Variants in NTM observed in about 807,000 individuals in gnomAD.
NTM encodes neurotrimin, also known as IgLON family member 2.
In NTM, 13 loss-of-function variants were observed where a neutral mutation model predicts 42.1. The observed-to-expected ratio is 0.31, with a 90% CI of 0.20 to 0.49. The LOEUF is 0.49. NTM is among the 20% of genes least tolerant of loss of function. NTM has a pLI of 0.99. For synonymous variants in NTM, 187 were observed against 179.2 expected, an observed-to-expected ratio of 1.04 and a Z score of -0.35; for missense variants, 373 against 452.8, an observed-to-expected ratio of 0.82 and a Z score of 1.60.
intron 2 of NTM, among the ~76,000 whole-genome samples, chr11:132,016,381 T>C (rs79462965): frequency 0.019 from 2,889 of 152,086 alleles, 69 homozygotes; most frequent in African/African-American, 0.054. Flanking sequence ...ACCACTGATA[T>C]GATTTCTGTA....
intron 2 of NTM, among the ~76,000 whole-genome samples, chr11:131,945,122 T>C (rs1168174514): frequency 6.6e-6 from 1 of 152,220 alleles, no homozygotes; most frequent in Admixed American, 6.5e-5. Flanking sequence ...ATTAAAGGTT[T>C]GCGGTATTTT....
intron 1 of NTM, among the ~76,000 whole-genome samples, chr11:131,707,123 CTT>C (rs1320658017): frequency 6.6e-6 from 1 of 151,930 alleles, no homozygotes; most frequent in East Asian, 1.9e-4. Flanking sequence ...TGAACTAAAA[CTT>C]TGAATACTTT....
intron 1 of NTM, among the ~76,000 whole-genome samples, chr11:131,463,848 G>A (rs1951636980): frequency 6.6e-6 from 1 of 152,222 alleles, no homozygotes; most frequent in Admixed American, 6.5e-5. Context: ...AACGGGCCCA[G>A]GAAGGAGAGA....
chr11:131,563,877 C>T (rs2056544474), intron 1 of NTM, among the ~76,000 whole-genome samples: 1 of 152,040 alleles, frequency 6.6e-6, no homozygotes, highest in Non-Finnish European at 1.5e-5. Context: ...CCAATGGCCC[C>T]TAGAGCAAAC....
At chr11:131,585,714 A>G (rs2058797589) in intron 1 of NTM, among the ~76,000 whole-genome samples, 4 of 152,142 alleles carry the variant, frequency 2.6e-5, no homozygotes, top group Admixed American at 2.6e-4. Flanking sequence ...ACACCGAGAT[A>G]GAAGTAAGTG....
chr11:131,867,684 ATGTC>A (rs1465146713), intron 1 of NTM, among the ~76,000 whole-genome samples: 5 of 151,068 alleles, frequency 3.3e-5, no homozygotes, highest in East Asian at 2.0e-4. Flanking sequence ...CTTCATATGT[ATGTC>A]TGTGTGTCTG....
rs376123129 is a variant in NTM at position 132,335,054 on chromosome 11, G to T, written c.976G>T (p.Ala326Ser). The T allele has an allele frequency of 6.2e-7, 1 of 1,611,964 alleles. No individual in the cohort carries two copies. The highest frequency in any genetic ancestry group is 1.3e-5 in the African/African-American group (1 of 74,946). The change falls in exon 9 of 9, where the codon GCC becomes TCC. Residue 326 changes from alanine (A) to serine (S), a missense_variant. Around this residue, in one of 3 missense-constraint regions of NTM, gnomAD observed 312 missense variants for 353.5 expected, o/e 0.88. Transcript: ENST00000683400. ...GTGTGTTCTCTCCACAGGTCCAGGC[G>T]CCGTCAGCGAGGTGAGCAACGGCAC... ...TALTPWKGPG[A>S]VSEVSNGTSR...
chr11:131,711,566 A>G (rs950008795), intron 1 of NTM, among the ~76,000 whole-genome samples: 1 of 152,190 alleles, frequency 6.6e-6, no homozygotes, highest in African/African-American at 2.4e-5. Context: ...TGTGGAAGTC[A>G]GTGTGGCGAT....
chr11:131,871,649 T>C (rs1267673845), intron 1 of NTM, among the ~76,000 whole-genome samples: 1 of 152,226 alleles, frequency 6.6e-6, no homozygotes, highest in Non-Finnish European at 1.5e-5. Flanking sequence ...GGGCTTGTTC[T>C]CTCCCTGTTA....
intron 2 of NTM, among the ~76,000 whole-genome samples, chr11:132,020,013 T>C (rs1422525465): frequency 1.3e-5 from 2 of 152,058 alleles, no homozygotes; most frequent in Non-Finnish European, 2.9e-5. Context: ...TATTCCCCCA[T>C]GTCTATTATT....
At chr11:131,972,046 A>G (rs905066262) in intron 2 of NTM, among the ~76,000 whole-genome samples, 1 of 108,912 alleles carries the variant, frequency 9.2e-6, no homozygotes, top group African/African-American at 4.8e-5. Flanking sequence ...CCGTCTCAAA[A>G]AAAAAAAAAA....
At chr11:132,051,448 T>C (rs1461655709) in intron 2 of NTM, among the ~76,000 whole-genome samples, 1 of 152,172 alleles carries the variant, frequency 6.6e-6, no homozygotes, top group Non-Finnish European at 1.5e-5. Flanking sequence ...TTTCACTCCG[T>C]GTGGGTTCTG....
chr11:131,987,379 CTAT>C (rs1214206268), intron 2 of NTM, among the ~76,000 whole-genome samples: 7 of 13,582 alleles, frequency 5.2e-4, no homozygotes, highest in African/African-American at 1.0e-3. Flanking sequence ...CCTATTCCTC[CTAT>C]TCTATTCTAT....
chr11:132,127,744 G>A (rs1241538850), intron 2 of NTM, among the ~76,000 whole-genome samples: 1 of 152,154 alleles, frequency 6.6e-6, no homozygotes, highest in Non-Finnish European at 1.5e-5. Context: ...TGCCATCCTG[G>A]GCTTTAGTCT....
chr11:131,547,142 T>TC (rs557655165), intron 1 of NTM, among the ~76,000 whole-genome samples: 114 of 152,314 alleles, frequency 7.5e-4, no homozygotes, highest in African/African-American at 2.7e-3. Flanking sequence ...ACATGGAGTT[T>TC]CCAAGGTGGT....
At chr11:132,051,223 G>A (rs1038796160) in intron 2 of NTM, among the ~76,000 whole-genome samples, 1 of 151,942 alleles carries the variant, frequency 6.6e-6, no homozygotes, top group African/African-American at 2.4e-5. Context: ...TTTTTTTTAT[G>A]CCAGACACCG....
chr11:132,149,075 T>G (rs183003246), intron 3 of NTM, among the ~76,000 whole-genome samples: 68 of 152,256 alleles, frequency 4.5e-4, no homozygotes, highest in African/African-American at 1.5e-3. Context: ...GCTGTCGATA[T>G]GCCTGGACTG....
chr11:131,619,637 C>T (rs1028804177), intron 1 of NTM, among the ~76,000 whole-genome samples: 1 of 152,012 alleles, frequency 6.6e-6, no homozygotes, highest in Non-Finnish European at 1.5e-5. Context: ...ACACAATTGG[C>T]CACAAAGTGA....
At chr11:131,689,976 T>C (rs780285835) in intron 1 of NTM, among the ~76,000 whole-genome samples, 55 of 152,304 alleles carry the variant, frequency 3.6e-4, no homozygotes, top group Admixed American at 1.9e-3. Context: ...TGCTGTTGTG[T>C]TGGCAATGAC....
Sources: allele counts gnomAD v4.1 joint callset (sites outside exome capture counted in the v4.1 genomes callset), GRCh38; gene constraint gnomAD v4.1.1; regional missense constraint gnomAD v4.1.1; transcripts MANE v1.5; gene names NCBI Gene and HGNC (gene_info 2026-07-23, HGNC 2026-07-21).